The following XYLT1 variants were observed in gnomAD, a reference collection of about 807,000 sequenced individuals.
The protein encoded by XYLT1 is xylosyltransferase 1, also known as beta-D-xylosyltransferase 1.
A neutral mutation model predicts 91.3 loss-of-function variants in XYLT1; 36 were observed. The ratio of observed to expected loss-of-function variants is 0.39; its 90% CI spans 0.30 to 0.52. The LOEUF (loss-of-function observed/expected upper bound fraction) is 0.52, where lower values mean the gene tolerates loss of function less well. Among genes scored for constraint, XYLT1 ranks in the 20% least tolerant of loss-of-function variants. XYLT1 has a pLI of 0.68. For missense variants in XYLT1, 1,242 were observed against 1,284.5 expected (o/e 0.97, Z 0.51); for synonymous variants, 588 against 532.0 (o/e 1.11, Z -1.45).
intron 1 of XYLT1, among the ~76,000 whole-genome samples, chr16:17,410,029 C>G (rs988413045): frequency 6.6e-6 from 1 of 152,138 alleles, no homozygotes; most frequent in African/African-American, 2.4e-5. Context: ...CCCAACCACA[C>G]GGACACTGAC....
intron 1 of XYLT1, among the ~76,000 whole-genome samples, chr16:17,374,480 C>A (rs1486185874): frequency 6.6e-6 from 1 of 151,968 alleles, no homozygotes; most frequent in African/African-American, 2.4e-5. Flanking sequence ...TTCTGAAAAC[C>A]AACTCAGTGA....
chr16:17,253,410 G>A (rs998568221), intron 3 of XYLT1, among the ~76,000 whole-genome samples: 2 of 152,010 alleles, frequency 1.3e-5, no homozygotes, highest in Non-Finnish European at 2.9e-5. Context: ...GACAAACTCC[G>A]GCAAACTCAC....
At chr16:17,309,856 T>C (rs2034517899) in intron 2 of XYLT1, among the ~76,000 whole-genome samples, 1 of 152,200 alleles carries the variant, frequency 6.6e-6, no homozygotes, top group African/African-American at 2.4e-5. Context: ...TTCTTGCTTG[T>C]GAACTTAACC....
intron 3 of XYLT1, among the ~76,000 whole-genome samples, chr16:17,203,056 C>G (rs1402379211): frequency 6.6e-6 from 1 of 152,186 alleles, no homozygotes; most frequent in African/African-American, 2.4e-5. Flanking sequence ...GGGATTGGCT[C>G]AAGGTCACAC....
At chr16:17,124,840 G>T (rs983285329) in intron 10 of XYLT1, among the ~76,000 whole-genome samples, 3 of 152,128 alleles carry the variant, frequency 2.0e-5, no homozygotes, top group South Asian at 2.1e-4. Context: ...TGAAAGCCTT[G>T]TCTTCAAGTT....
intron 1 of XYLT1, among the ~76,000 whole-genome samples, chr16:17,376,397 C>T (rs1168982255): frequency 1.3e-5 from 2 of 152,180 alleles, no homozygotes; most frequent in Admixed American, 1.3e-4. Context: ...CAGGTTGTGT[C>T]CTTCCAGACC....
At chr16:17,288,717 G>A (rs2141795188) in intron 2 of XYLT1, among the ~76,000 whole-genome samples, 1 of 152,234 alleles carries the variant, frequency 6.6e-6, no homozygotes, top group East Asian at 1.9e-4. Context: ...GAGACCACGT[G>A]GAGGCGAGTC....
At chr16:17,206,268 C>T (rs1206448931) in intron 3 of XYLT1, among the ~76,000 whole-genome samples, 2 of 152,114 alleles carry the variant, frequency 1.3e-5, no homozygotes, top group African/African-American at 4.8e-5. Context: ...AACCTGCACG[C>T]TCAAGGTTCT....
chr16:17,376,444 G>C (rs1454209530), intron 1 of XYLT1, among the ~76,000 whole-genome samples: 2 of 152,202 alleles, frequency 1.3e-5, no homozygotes, highest in African/African-American at 4.8e-5. Flanking sequence ...CTAGAAGCCA[G>C]TGCTCAAGAG....
At chr16:17,189,499 A>G (rs1486306886) in intron 5 of XYLT1, among the ~76,000 whole-genome samples, 3 of 152,204 alleles carry the variant, frequency 2.0e-5, no homozygotes, top group Non-Finnish European at 2.9e-5. Flanking sequence ...GAGGTCCTCA[A>G]TTCAGGGCAT....
intron 2 of XYLT1, among the ~76,000 whole-genome samples, chr16:17,273,946 C>A (rs1323081622): frequency 6.6e-6 from 1 of 151,804 alleles, no homozygotes; most frequent in East Asian, 1.9e-4. Flanking sequence ...GGGTCTCGAT[C>A]TGTCGTCCAG....
chr16:17,138,335 A>G lies in XYLT1; in HGVS notation c.1764+20T>C. On this transcript the variant is annotated intron_variant, in intron 8 of 11. Coordinates refer to ENST00000261381, the MANE Select transcript of XYLT1 (RefSeq NM_022166.4). ...GGAAGGCATCACTTAGGAGGCTGGC[A>G]GACCATGAGAAAGTCTCACCTGGAA... is the stretch of plus-strand genomic sequence containing the variant. The G allele has an allele frequency of 7.5e-6, 12 of 1,601,444 alleles. No individual in the cohort carries two copies. The highest frequency in any genetic ancestry group is 1.0e-5 in the Non-Finnish European group (12 of 1,170,130).
intron 1 of XYLT1, among the ~76,000 whole-genome samples, chr16:17,369,199 G>A (rs1472497264): frequency 2.7e-5 from 4 of 148,188 alleles, no homozygotes; most frequent in East Asian, 2.0e-4. Context: ...GCGTGATCTC[G>A]GCTCACTGCA....
chr16:17,444,291 T>C (rs2036566949), intron 1 of XYLT1, among the ~76,000 whole-genome samples: 1 of 152,218 alleles, frequency 6.6e-6, no homozygotes, highest in South Asian at 2.1e-4. Context: ...GTTTATAATT[T>C]ACAGTCTAAC....
intron 3 of XYLT1, among the ~76,000 whole-genome samples, chr16:17,219,720 C>A (rs1413987155): frequency 6.6e-6 from 1 of 152,154 alleles, no homozygotes; most frequent in East Asian, 1.9e-4. Flanking sequence ...TGGCTCACTG[C>A]AACCTCTGCC....
chr16:17,456,103 T>G (rs2036738004), intron 1 of XYLT1, among the ~76,000 whole-genome samples: 1 of 152,122 alleles, frequency 6.6e-6, no homozygotes, highest in South Asian at 2.1e-4. Context: ...CACCCCAGCT[T>G]CACTCTGTGC....
At chr16:17,343,459 T>C (rs2035094790) in intron 2 of XYLT1, among the ~76,000 whole-genome samples, 1 of 152,062 alleles carries the variant, frequency 6.6e-6, no homozygotes, top group Non-Finnish European at 1.5e-5. Context: ...GCTGGCGTTT[T>C]AGTTTTAAAA....
At position 17,444,514 on chromosome 16, in the gene XYLT1, T is replaced by TC. The variant is rs199751963; in HGVS notation, c.363+25919_363+25920insG. ...CCATGTCCAGCTAACTTCTTCTTCT[T>TC]TTTTTTTTTTTTAATAGAGACAGAG... is the stretch of plus-strand genomic sequence containing the variant. On this transcript the variant is annotated intron_variant, in intron 1 of 11. Coordinates refer to ENST00000261381, the MANE Select transcript of XYLT1 (RefSeq NM_022166.4). Among the ~76,000 whole-genome samples, 445 of 146,794 alleles carry TC rather than the reference T, an allele frequency of 3.0e-3. 4 individuals are homozygous for TC. Among genetic ancestry groups the TC allele is most frequent in the African/African-American group, 0.01 (414 of 40,452 alleles).
chr16:17,231,976 A>G (rs2141721718), intron 3 of XYLT1, among the ~76,000 whole-genome samples: 1 of 151,414 alleles, frequency 6.6e-6, no homozygotes. Flanking sequence ...TGTTATGACT[A>G]CAATGTAACT....
Sources: gnomAD v4.1 joint callset for allele counts (sites outside exome capture counted in the v4.1 genomes callset) on GRCh38, gnomAD v4.1.1 for gene constraint, MANE v1.5 for transcripts, NCBI Gene and HGNC (gene_info 2026-07-23, HGNC 2026-07-21) for gene names.